Variants in RCBTB1 observed in about 807,000 individuals in gnomAD.
RCBTB1 encodes RCC1 and BTB domain-containing protein 1.
In RCBTB1, 46 loss-of-function variants were observed where a neutral mutation model predicts 62.4. The ratio of observed to expected loss-of-function variants is 0.74; its 90% CI spans 0.58 to 0.94. RCBTB1 has a LOEUF of 0.94. RCBTB1 is among the 40% of genes least tolerant of loss of function. The probability of loss-of-function intolerance (pLI) is 0.00; values close to 1 mark genes in which losing one functional copy is unlikely to be tolerated. For synonymous variants in RCBTB1, 222 were observed against 245.8 expected (o/e 0.90, Z 0.91); for missense variants, 565 against 654.9 (o/e 0.86, Z 1.50).
At position 49,549,486 on chromosome 13, in the gene RCBTB1, G is replaced by C. The variant is rs3751384; in HGVS notation, c.1017C>G (p.Pro339=). ...TDDVFACFAT[P]AVSWRLLSVE... is the part of the protein sequence containing the mutation. ...CAGACAGGAGGCGCCACGAGACGGC[G>C]GGAGTGGCAAAGCAGGCAAACACGT... Residue 339 remains proline (P), a synonymous_variant, in exon 9 of 13, where the codon CCC becomes CCG. Coordinates refer to ENST00000378302, the MANE Select transcript of RCBTB1 (RefSeq NM_018191.4). 1,038,649 of 1,611,892 alleles carry C rather than the reference G, an allele frequency of 0.64. 342,473 individuals are homozygous for C. The highest frequency in any genetic ancestry group is 0.69 in the Non-Finnish European group (811,083 of 1,178,662).
intron 2 of RCBTB1, among the ~76,000 whole-genome samples, chr13:49,576,741 C>A (rs1454122002): frequency 6.6e-6 from 1 of 152,024 alleles, no homozygotes; most frequent in Non-Finnish European, 1.5e-5. Context: ...TTTTTGCAAG[C>A]CTTCCATGTT....
intron 12 of RCBTB1, among the ~76,000 whole-genome samples, chr13:49,535,261 CA>C (rs1436610527): frequency 6.6e-6 from 1 of 152,150 alleles, no homozygotes; most frequent in Non-Finnish European, 1.5e-5. Context: ...AGAACCATTT[CA>C]AAATCAATCC....
chr13:49,566,244 C>T (rs1962993184), intron 4 of RCBTB1, among the ~76,000 whole-genome samples: 1 of 150,040 alleles, frequency 6.7e-6, no homozygotes, highest in Non-Finnish European at 1.5e-5. Flanking sequence ...GAGAAACACC[C>T]AAGAATGATC....
Position 49,555,299 on chromosome 13 carries a change from T to C in RCBTB1, c.603+216A>G, listed in dbSNP as rs185472733. Among the ~76,000 whole-genome samples the C allele has an allele frequency of 4.6e-5, 7 of 152,336 alleles. No homozygotes were observed. In the South Asian group the frequency reaches 6.2e-4, roughly 14 times the overall value. On this transcript the variant is annotated intron_variant, in intron 6 of 12. Coordinates refer to ENST00000378302, the MANE Select transcript of RCBTB1 (RefSeq NM_018191.4). ...TTGCAAAAAATACAACTTAGACATATAGAATCTTTACTTTCAGGTAAATCC... is the reference window on the plus strand; with the variant it reads ...TTGCAAAAAATACAACTTAGACATACAGAATCTTTACTTTCAGGTAAATCC...
intron 2 of RCBTB1, among the ~76,000 whole-genome samples, chr13:49,573,786 T>C (rs1419772982): frequency 8.7e-6 from 1 of 115,222 alleles, no homozygotes; most frequent in Non-Finnish European, 1.7e-5. Context: ...CAAATTTCTC[T>C]CTTTTTTTTT....
chr13:49,540,886 T>C lies in RCBTB1; in HGVS notation c.1445A>G (p.Tyr482Cys). The C allele has an allele frequency of 6.2e-7, 1 of 1,613,874 alleles. No individual in the cohort carries two copies. Among genetic ancestry groups the C allele is most frequent in the Non-Finnish European group, 8.5e-7 (1 of 1,179,962 alleles). Reference sequence around the variant, plus strand: ...TGTTGTTTAAGTTACCTCTGCATCATATCTGACTGCAGCAGAGAATAGCGA... The same window carrying C: ...TGTTGTTTAAGTTACCTCTGCATCACATCTGACTGCAGCAGAGAATAGCGA... ...AFSLFSAAVRYDAEDLEEFCF... is the reference protein window; with the variant it reads ...AFSLFSAAVRCDAEDLEEFCF... Residue 482 changes from tyrosine to cysteine, a missense_variant, in exon 12 of 13, where the codon TAT (tyrosine) becomes TGT (cysteine). By Grantham distance (194) the Tyr-to-Cys change is radical. Transcript: ENST00000378302.
At chr13:49,538,591 T>G (rs1960102527) in intron 12 of RCBTB1, among the ~76,000 whole-genome samples, 1 of 151,900 alleles carries the variant, frequency 6.6e-6, no homozygotes, top group Admixed American at 6.6e-5. Flanking sequence ...GTGGCACACA[T>G]CCGTAGTCCC....
At chr13:49,547,829 C>T (rs2139161086) in intron 9 of RCBTB1, among the ~76,000 whole-genome samples, 1 of 152,286 alleles carries the variant, frequency 6.6e-6, no homozygotes, top group South Asian at 2.1e-4. Context: ...CGCTGTGTCA[C>T]CCAGGCTGGA....
At chr13:49,566,845 T>C (rs1963055748) in intron 3 of RCBTB1, 77 bp from the exon 4 acceptor site, 1 of 1,379,464 alleles carries the variant, frequency 7.2e-7, no homozygotes, top group African/African-American at 1.5e-5. Context: ...CCTCTGAAAA[T>C]AAGACATTTC....
chr13:49,558,662 C>T (rs971288102), intron 5 of RCBTB1, among the ~76,000 whole-genome samples: 1 of 147,474 alleles, frequency 6.8e-6, no homozygotes, highest in Non-Finnish European at 1.5e-5. Context: ...CCATTGCACT[C>T]CAGCCTGGGC....
chr13:49,575,526 T>A (rs969979201), intron 2 of RCBTB1, among the ~76,000 whole-genome samples: 4 of 151,084 alleles, frequency 2.6e-5, no homozygotes, highest in Non-Finnish European at 5.9e-5. Context: ...TGACAGTAGA[T>A]TGGAAAAAGA....
chr13:49,551,855 G>A (rs1206339139), intron 7 of RCBTB1, among the ~76,000 whole-genome samples: 2 of 148,226 alleles, frequency 1.3e-5, no homozygotes, highest in South Asian at 2.1e-4. Context: ...AGCTGAGATC[G>A]TGCCATTGCA....
intron 1 of RCBTB1, among the ~76,000 whole-genome samples, chr13:49,582,861 T>C (rs1351785945): frequency 6.6e-6 from 1 of 151,848 alleles, no homozygotes; most frequent in Non-Finnish European, 1.5e-5. Context: ...TTGCTAAGAG[T>C]AAGAGGGGAG....
At chr13:49,551,716 C>G (rs1008299829) in intron 7 of RCBTB1, among the ~76,000 whole-genome samples, 7 of 152,036 alleles carry the variant, frequency 4.6e-5, no homozygotes, top group Non-Finnish European at 1.0e-4. Context: ...CTGGCTAACA[C>G]GGTGAAACCC....
At chr13:49,547,188 ATACTGTATTATACCT>A in intron 9 of RCBTB1, 2 of 1,249,702 alleles carry the variant, frequency 1.6e-6, no homozygotes, top group East Asian at 5.6e-5. Context: ...AAAAAAAAAA[ATACTGTATTATACCT>A]AAAGAACATG....
chr13:49,556,122 A>G (rs1321667639), intron 5 of RCBTB1, among the ~76,000 whole-genome samples: 3 of 152,194 alleles, frequency 2.0e-5, no homozygotes, highest in Non-Finnish European at 4.4e-5. Context: ...TTAGTGATGT[A>G]AAACATTTGC....
Position 49,555,534 on chromosome 13 carries a change from G to A in RCBTB1, c.584C>T (p.Ala195Val). The change falls in exon 6 of 13, where the codon GCT becomes GTT. Residue 195 changes from alanine to valine, a missense_variant. Physicochemically the swap from Ala to Val is moderately conservative, Grantham distance 64 (BLOSUM62 0). Coordinates refer to ENST00000378302, the MANE Select transcript of RCBTB1 (RefSeq NM_018191.4). ...CCTCACCTCGCCATTGTCCAGAACA[G>A]CCATGGATGAAGTCTGACCACAGGC... ...GIACGQTSSM[A>V]VLDNGEVYGW... The A allele has an allele frequency of 6.2e-7, 1 of 1,613,906 alleles. No individual in the cohort carries two copies. The highest frequency in any genetic ancestry group is 1.3e-5 in the African/African-American group (1 of 75,050).
chr13:49,546,390 G>C (rs1960789743), intron 9 of RCBTB1: 1 of 983,402 alleles, frequency 1.0e-6, no homozygotes, highest in Non-Finnish European at 1.2e-6. Flanking sequence ...TAGGACAGCA[G>C]TCCCCAACCT....
intron 4 of RCBTB1, among the ~76,000 whole-genome samples, chr13:49,561,367 G>T (rs976615126): frequency 1.3e-5 from 2 of 152,168 alleles, no homozygotes; most frequent in African/African-American, 2.4e-5. Context: ...TGGCTCACAA[G>T]AGCCATTCCC....
Sources: allele counts gnomAD v4.1 joint callset (sites outside exome capture counted in the v4.1 genomes callset), GRCh38; gene constraint gnomAD v4.1.1; transcripts MANE v1.5; gene names NCBI Gene and HGNC (gene_info 2026-07-23, HGNC 2026-07-21).